The following ASB13 variants were observed in gnomAD, a reference collection of about 807,000 sequenced individuals.
ASB13 encodes the protein ankyrin repeat and SOCS box protein 13.
Under a neutral mutation model 28.8 loss-of-function variants are expected in ASB13, and 33 were observed. The ratio of observed to expected loss-of-function variants is 1.15; its 90% CI spans 0.87 to 1.53. The LOEUF (loss-of-function observed/expected upper bound fraction) is 1.53. ASB13 is among the 40% of genes most tolerant of loss of function. The probability of loss-of-function intolerance (pLI) is 0.00; values close to 1 mark genes in which losing one functional copy is unlikely to be tolerated. For synonymous variants in ASB13, 182 were observed against 172.9 expected (o/e 1.05, Z -0.41); for missense variants, 414 against 390.1 (o/e 1.06, Z -0.52).
In ASB13 at chr10:5,666,581, T is replaced by G. The variant is rs1441657958; in HGVS notation, c.-30A>C. ...CTCACCGGCGGCCGCGCGGCGACTCTGGGCGCCGGGACCTGGGCCGGGCCG... is the reference window on the plus strand; with the variant it reads ...CTCACCGGCGGCCGCGCGGCGACTCGGGGCGCCGGGACCTGGGCCGGGCCG... On this transcript the variant is annotated 5_prime_UTR_variant, in exon 1 of 6. Transcript: ENST00000357700. 3 of 1,125,576 alleles carry G rather than the reference T, an allele frequency of 2.7e-6. No homozygotes were observed. Among genetic ancestry groups the G allele is most frequent in the African/African-American group, 1.6e-5 (1 of 60,658 alleles). The allele number at this position is 1,125,576 out of a possible 1,614,324, so 69.7% of individuals were successfully genotyped here. A position where few individuals can be genotyped will look rare whatever the true frequency, so the allele number is the denominator to read the frequency against.
rs1835232224 is a variant in ASB13 at position 5,664,849 on chromosome 10, T to C, written c.43+1660A>G. 6.6e-6 allele frequency among the ~76,000 whole-genome samples: 1 copy of C among 151,898 alleles called. No individual in the cohort carries two copies. Among genetic ancestry groups the C allele is most frequent in the Admixed American group, 6.6e-5 (1 of 15,244 alleles). On this transcript the variant is annotated intron_variant, in intron 1 of 5. Coordinates refer to ENST00000357700, the MANE Select transcript of ASB13 (RefSeq NM_024701.4). This position sits in a 1 kb window ranked among gnomAD's most constrained non-coding sequence, Gnocchi z 4.2. The stretch of plus-strand genomic sequence containing the variant: ...GTGCCCGCCACTATGCTTGGCTAAT[T>C]TTTGTATTTTTATTTATTTATTTTG...
Position 5,651,431 on chromosome 10 carries a change from T to C in ASB13, c.232-68A>G. ...CACGCAACCCACTTTCCCATCCTGC[T>C]GCAGGTTCATCTTTGCTAAGATGCT... is the stretch of plus-strand genomic sequence containing the variant. On this transcript the variant is annotated intron_variant, in intron 2 of 5. Coordinates refer to ENST00000357700, the MANE Select transcript of ASB13 (RefSeq NM_024701.4). The surrounding 1 kb of genome is among the most constrained non-coding windows in gnomAD (Gnocchi z 5.1). The C allele has an allele frequency of 6.8e-7, 1 of 1,460,242 alleles. No individual in the cohort carries two copies. Among genetic ancestry groups the C allele is most frequent in the South Asian group, 1.4e-5 (1 of 72,614 alleles). The allele number at this position is 1,460,242 out of a possible 1,614,324, so 90.5% of individuals were successfully genotyped here. A position where few individuals can be genotyped will look rare whatever the true frequency, so the allele number is the denominator to read the frequency against.
rs1835080122 is a variant in ASB13, at chr10:5,656,554, A to G, written c.44-3504T>C. ...ACTCCGTCTCAAGAAAAAAAAAAAA[A>G]GTCTGTAGCAGTGAAACAGCAAAAG... is the stretch of plus-strand genomic sequence containing the variant. On this transcript the variant is annotated intron_variant, in intron 1 of 5. Transcript: ENST00000357700. This position sits in a 1 kb window ranked among gnomAD's most constrained non-coding sequence, Gnocchi z 4.3. Among the ~76,000 whole-genome samples, 1 of 151,552 alleles carries G rather than the reference A, an allele frequency of 6.6e-6. No individual in the cohort carries two copies. Among genetic ancestry groups the G allele is most frequent in the Non-Finnish European group, 1.5e-5 (1 of 67,874 alleles).
Position 5,641,835 on chromosome 10 carries a change from C to A in ASB13, c.644G>T (p.Gly215Val). 6.2e-7 allele frequency: 1 copy of A among 1,613,404 alleles called. No homozygotes were observed. The highest frequency in any genetic ancestry group is 8.5e-7 in the Non-Finnish European group (1 of 1,179,766). The part of the protein sequence containing the change: ...GGNIYARDNR[G>V]KKPSDYTWSS... ...CCACGTGTAGTCAGACGGCTTCTTCCCGCGGTTGTCCCGGGCGTAGATGTT... is the reference window on the plus strand; with the variant it reads ...CCACGTGTAGTCAGACGGCTTCTTCACGCGGTTGTCCCGGGCGTAGATGTT... The change falls in exon 5 of 6, where the codon GGG (glycine) becomes GTG (valine). Residue 215 changes from glycine (G) to valine (V), a missense_variant. By Grantham distance (109) the Gly-to-Val change is moderately radical (BLOSUM62 -3). Transcript: ENST00000357700. The surrounding 1 kb of genome is among the most constrained non-coding windows in gnomAD (Gnocchi z 8.4).
In ASB13 at chr10:5,663,508, G is replaced by A. The variant is rs1217202134; in HGVS notation, c.43+3001C>T. On this transcript the variant is annotated intron_variant, in intron 1 of 5. Transcript: ENST00000357700. The surrounding 1 kb of genome is among the most constrained non-coding windows in gnomAD (Gnocchi z 4.9). ...CCCCCAGTCCCACCCTCAAGGCACTGTGGGAGCTCAGGCCCTGACTCAGGA... is the reference window on the plus strand; with the variant it reads ...CCCCCAGTCCCACCCTCAAGGCACTATGGGAGCTCAGGCCCTGACTCAGGA... 6.6e-6 allele frequency among the ~76,000 whole-genome samples: 1 copy of A among 152,168 alleles called. No individual in the cohort carries two copies. Among genetic ancestry groups the A allele is most frequent in the Non-Finnish European group, 1.5e-5 (1 of 68,038 alleles).
rs35585377 is a variant in ASB13 at position 5,656,541 on chromosome 10, GA to G, written c.44-3492del. Among the ~76,000 whole-genome samples, 62 of 142,428 alleles carry G rather than the reference GA, an allele frequency of 4.4e-4. No individual in the cohort carries two copies. Among genetic ancestry groups the G allele is most frequent in the African/African-American group, 5.5e-4 (21 of 38,438 alleles). 93.4% of individuals were successfully genotyped at this position (142,428 alleles called of 152,430 possible). On this transcript the variant is annotated intron_variant, in intron 1 of 5. Coordinates refer to ENST00000357700, the MANE Select transcript of ASB13 (RefSeq NM_024701.4). The surrounding 1 kb of genome is among the most constrained non-coding windows in gnomAD (Gnocchi z 4.3). ...GCAACCGAGCAAGACTCCGTCTCAAGAAAAAAAAAAAAAGTCTGTAGCAGTG... is the reference window on the plus strand; with the variant it reads ...GCAACCGAGCAAGACTCCGTCTCAAGAAAAAAAAAAAAGTCTGTAGCAGTG...
At chr10:5,648,152 CGGGTAAACACTCACGG>C (rs1447818744) in intron 4 of ASB13, among the ~76,000 whole-genome samples, 5 of 151,026 alleles carry the variant, frequency 3.3e-5, no homozygotes, top group Non-Finnish European at 7.4e-5. Flanking sequence ...AACAACCACG[CGGGTAAACACTCACGG>C]GGGTAAACAC....
At position 5,642,067 on chromosome 10, in the gene ASB13, AC is replaced by A; in HGVS notation, c.518-107del. 2 of 1,088,976 alleles carry A rather than the reference AC, an allele frequency of 1.8e-6. No homozygotes were observed. The highest frequency in any genetic ancestry group is 2.7e-6 in the Non-Finnish European group (2 of 753,578). 67.5% of individuals were successfully genotyped at this position (1,088,976 alleles called of 1,614,324 possible). On this transcript the variant is annotated intron_variant, in intron 4 of 5. Transcript: ENST00000357700. The surrounding 1 kb of genome is among the most constrained non-coding windows in gnomAD (Gnocchi z 4.1). Reference sequence around the variant, plus strand: ...CAGCACGGTGGCAGAAGCAATCCCCACCCAGAAGACAAAATCAGGACAGACT... The same window carrying A: ...CAGCACGGTGGCAGAAGCAATCCCCACCAGAAGACAAAATCAGGACAGACT...
At chr10:5,643,509 T>C (rs1384818159) in intron 4 of ASB13, among the ~76,000 whole-genome samples, 2 of 152,166 alleles carry the variant, frequency 1.3e-5, no homozygotes, top group African/African-American at 4.8e-5. Context: ...AGGAAAAGGA[T>C]CTCTCAACTA....
In ASB13 at chr10:5,644,690, C is replaced by T. The variant is rs555998532; in HGVS notation, c.518-2729G>A. On this transcript the variant is annotated intron_variant, in intron 4 of 5. Transcript: ENST00000357700. The surrounding 1 kb of genome is among the most constrained non-coding windows in gnomAD (Gnocchi z 5.1). ...AAAATTACCTGGGCGTGGTGGTGCACATCTATAATCCCAGCTACTCAGGAG... is the reference window on the plus strand; with the variant it reads ...AAAATTACCTGGGCGTGGTGGTGCATATCTATAATCCCAGCTACTCAGGAG... Among the ~76,000 whole-genome samples, 198 of 152,126 alleles carry T rather than the reference C, an allele frequency of 1.3e-3. 1 individual carries two copies. The highest frequency in any genetic ancestry group is 4.4e-3 in the African/African-American group (183 of 41,488).
rs2131448995 is a variant in ASB13, at chr10:5,651,303, T to C, written c.292A>G (p.Ile98Val). Residue 98 changes from isoleucine to valine, a missense_variant, in exon 3 of 6, where the codon ATC becomes GTC. Physicochemically the swap from Ile to Val is conservative, Grantham distance 29 (BLOSUM62 3). Transcript: ENST00000357700. The surrounding 1 kb of genome is among the most constrained non-coding windows in gnomAD (Gnocchi z 5.1). ...GACAGCAAGAGCTTCACACACTCGA[T>C]GCTGCCCGAGGCGCAGGCATCGCAG... is the stretch of plus-strand genomic sequence containing the variant. ...PLCDACASGS[I>V]ECVKLLLSYG... is the part of the protein sequence containing the mutation. The C allele has an allele frequency of 1.2e-6, 2 of 1,614,044 alleles. No homozygotes were observed. The highest frequency in any genetic ancestry group is 1.7e-4 in the Middle Eastern group (1 of 6,058).
rs1480451637 is a variant in ASB13, at chr10:5,645,688, G to C, written c.517+3282C>G. 6.6e-6 allele frequency among the ~76,000 whole-genome samples: 1 copy of C among 152,082 alleles called. No individual in the cohort carries two copies. Among genetic ancestry groups the C allele is most frequent in the Non-Finnish European group, 1.5e-5 (1 of 68,012 alleles). On this transcript the variant is annotated intron_variant, in intron 4 of 5. Coordinates refer to ENST00000357700, the MANE Select transcript of ASB13 (RefSeq NM_024701.4). This position sits in a 1 kb window ranked among gnomAD's most constrained non-coding sequence, Gnocchi z 5.4. Reference sequence around the variant, plus strand: ...TAACTGGTTCAAATGATCCAGGCTTGAGCCGATCAGAATTTGGCAAAGTTT... The same window carrying C: ...TAACTGGTTCAAATGATCCAGGCTTCAGCCGATCAGAATTTGGCAAAGTTT...
Position 5,649,241 on chromosome 10 carries a change from A to T in ASB13, c.383-137T>A. ...GCCAGGCAGGCCTGCGTCCCAACCT[A>T]GGGAGGAGTTCATGACCCGCATGGC... On this transcript the variant is annotated intron_variant, in intron 3 of 5. Coordinates refer to ENST00000357700, the MANE Select transcript of ASB13 (RefSeq NM_024701.4). The surrounding 1 kb of genome is among the most constrained non-coding windows in gnomAD (Gnocchi z 6.4). The T allele has an allele frequency of 8.1e-7, 1 of 1,227,980 alleles. No homozygotes were observed. The highest frequency in any genetic ancestry group is 1.5e-5 in the African/African-American group (1 of 67,386). 76.1% of individuals were successfully genotyped at this position (1,227,980 alleles called of 1,614,324 possible). A position where few individuals can be genotyped will look rare whatever the true frequency, so the allele number is the denominator to read the frequency against.
chr10:5,656,474 G>A lies in ASB13; in HGVS notation c.44-3424C>T, dbSNP rs969225084. On this transcript the variant is annotated intron_variant, in intron 1 of 5. Transcript: ENST00000357700. The surrounding 1 kb of genome is among the most constrained non-coding windows in gnomAD (Gnocchi z 4.3). ...GAATCGCTTGAACCCAGGAGGCGGA[G>A]ATTGCAGTGAGCTGAGATCGCACCA... is the stretch of plus-strand genomic sequence containing the variant. 6.6e-6 allele frequency among the ~76,000 whole-genome samples: 1 copy of A among 151,684 alleles called. No homozygotes were observed. Among genetic ancestry groups the A allele is most frequent in the Non-Finnish European group, 1.5e-5 (1 of 67,982 alleles).
In ASB13 at chr10:5,641,394, G is replaced by A. The variant is rs1434199790; in HGVS notation, c.709+376C>T. 3.3e-5 allele frequency among the ~76,000 whole-genome samples: 5 copies of A among 152,134 alleles called. No individual in the cohort carries two copies. The highest frequency in any genetic ancestry group is 7.2e-5 in the African/African-American group (3 of 41,408). On this transcript the variant is annotated intron_variant, in intron 5 of 5. Transcript: ENST00000357700. The surrounding 1 kb of genome is among the most constrained non-coding windows in gnomAD (Gnocchi z 8.4). ...TGTGATTACAGGTGTGAGCCACTGCGCCTTTTCAAAACCATGGTTTTGGTT... is the reference window on the plus strand; with the variant it reads ...TGTGATTACAGGTGTGAGCCACTGCACCTTTTCAAAACCATGGTTTTGGTT...
rs1477914476 is a variant in ASB13 at position 5,663,460 on chromosome 10, G to A, written c.43+3049C>T. 6.6e-6 allele frequency among the ~76,000 whole-genome samples: 1 copy of A among 152,086 alleles called. No individual in the cohort carries two copies. The highest frequency in any genetic ancestry group is 1.5e-5 in the Non-Finnish European group (1 of 68,014). The stretch of plus-strand genomic sequence containing the variant: ...GCCCCTGGTCCACCCCAAAGGCTAT[G>A]GCCCAGGGAGCATGGGGAGGGTCCC... On this transcript the variant is annotated intron_variant, in intron 1 of 5. Transcript: ENST00000357700. This position sits in a 1 kb window ranked among gnomAD's most constrained non-coding sequence, Gnocchi z 4.9.
chr10:5,666,517 C>T lies in ASB13; in HGVS notation c.35G>A (p.Gly12Asp). The change falls in exon 1 of 6, where the codon GGC becomes GAC. Residue 12 changes from glycine (G) to aspartate (D), a missense_variant. Transcript: ENST00000357700. ...GCGGCGCCCGCACGTACCCACGTCG[C>T]CCAGGAAGCAGCCGTCCGCCGCCCG... ...EPRAADGCFL[G>D]DVGFWVERTP... 2.3e-6 allele frequency: 3 copies of T among 1,283,386 alleles called. No homozygotes were observed. The highest frequency in any genetic ancestry group is 3.0e-6 in the Non-Finnish European group (3 of 1,010,502). 79.5% of individuals were successfully genotyped at this position (1,283,386 alleles called of 1,614,324 possible). A position where few individuals can be genotyped will look rare whatever the true frequency, so the allele number is the denominator to read the frequency against.
rs1358569663 is a variant in ASB13, at chr10:5,645,455, C to T, written c.518-3494G>A. Among the ~76,000 whole-genome samples the T allele has an allele frequency of 2.0e-5, 3 of 152,172 alleles. No individual in the cohort carries two copies. The highest frequency in any genetic ancestry group is 4.8e-5 in the African/African-American group (2 of 41,444). ...AAATTACTTCACCATCATAACCGGA[C>T]TTTCACCCTCCCCAGCCCTCCTCCT... On this transcript the variant is annotated intron_variant, in intron 4 of 5. Coordinates refer to ENST00000357700, the MANE Select transcript of ASB13 (RefSeq NM_024701.4). This position sits in a 1 kb window ranked among gnomAD's most constrained non-coding sequence, Gnocchi z 5.4.
chr10:5,647,860 T>C lies in ASB13; in HGVS notation c.517+1110A>G, dbSNP rs149601614. 5.3e-3 allele frequency among the ~76,000 whole-genome samples: 802 copies of C among 152,288 alleles called. 11 individuals are homozygous for C. Among genetic ancestry groups the C allele is most frequent in the African/African-American group, 0.018 (741 of 41,562 alleles). ...TAGGCACAGTAAATACCTGTTCAGGTAAATGCTCGTGCAAGTAAACACCTG... is the reference window on the plus strand; with the variant it reads ...TAGGCACAGTAAATACCTGTTCAGGCAAATGCTCGTGCAAGTAAACACCTG... On this transcript the variant is annotated intron_variant, in intron 4 of 5. Transcript: ENST00000357700.
Sources: gnomAD v4.1 joint callset for allele counts (sites outside exome capture counted in the v4.1 genomes callset) on GRCh38, gnomAD v4.1.1 for gene constraint, Gnocchi (gnomAD v3.1) non-coding constraint, MANE v1.5 for transcripts, NCBI Gene and HGNC (gene_info 2026-07-23, HGNC 2026-07-21) for gene names.